Variants in BCAS3 observed in about 807,000 individuals in gnomAD.
The protein encoded by BCAS3 is BCAS3 microtubule associated cell migration factor.
BCAS3 carries 53 observed loss-of-function variants against 116.1 expected under a neutral mutation model. The ratio of observed to expected loss-of-function variants is 0.46; its 90% CI spans 0.37 to 0.57. The LOEUF (loss-of-function observed/expected upper bound fraction) is 0.57, where lower values mean the gene tolerates loss of function less well. Among genes scored for constraint, BCAS3 ranks in the 20% least tolerant of loss-of-function variants. BCAS3 has a pLI of 0.00. For synonymous variants in BCAS3, 391 were observed against 408.2 expected, an observed-to-expected ratio of 0.96 and a Z score of 0.51; for missense variants, 917 against 1,165.4, an observed-to-expected ratio of 0.79 and a Z score of 3.10.
intron 5 of BCAS3, among the ~76,000 whole-genome samples, chr17:60,728,361 A>G (rs1229475495): frequency 6.6e-6 from 1 of 152,136 alleles, no homozygotes; most frequent in Admixed American, 6.5e-5. Context: ...ACTTAGTAAT[A>G]TGCATATAAG....
At chr17:60,811,715 A>C (rs552753716) in intron 7 of BCAS3, among the ~76,000 whole-genome samples, 1 of 152,348 alleles carries the variant, frequency 6.6e-6, no homozygotes, top group East Asian at 1.9e-4. Context: ...ATAAAACTCA[A>C]ATGGAACTTC....
intron 13 of BCAS3, among the ~76,000 whole-genome samples, chr17:60,943,548 C>T (rs973037817): frequency 9.9e-5 from 15 of 152,042 alleles, no homozygotes; most frequent in African/African-American, 3.6e-4. Flanking sequence ...GTGTATGAAC[C>T]TTGCTCTAAA....
At position 61,041,654 on chromosome 17, in the gene BCAS3, A is replaced by G. The variant is rs1014588785; in HGVS notation, c.2029+762A>G. The stretch of plus-strand genomic sequence containing the variant: ...AATGAAACTTTGTTGTATTTAACAC[A>G]TTGTCTTGCCCGGTATATTAGAAAG... On this transcript the variant is annotated intron_variant, in intron 19 of 23. Transcript: ENST00000407086. This position sits in a 1 kb window ranked among gnomAD's most constrained non-coding sequence, Gnocchi z 4.7. 6.6e-6 allele frequency among the ~76,000 whole-genome samples: 1 copy of G among 152,044 alleles called. No individual in the cohort carries two copies. The highest frequency in any genetic ancestry group is 1.5e-5 in the Non-Finnish European group (1 of 67,984).
chr17:61,115,315 T>G (rs937129801), intron 22 of BCAS3, among the ~76,000 whole-genome samples: 10 of 152,028 alleles, frequency 6.6e-5, no homozygotes, highest in East Asian at 1.9e-4. Context: ...CCTACAAAAT[T>G]GGAGAAAATT....
rs930138071 is a variant in BCAS3 at position 61,235,555 on chromosome 17, A to G, written c.2426-132772A>G. 3.9e-5 allele frequency among the ~76,000 whole-genome samples: 6 copies of G among 152,316 alleles called. No individual in the cohort carries two copies. The highest frequency in any genetic ancestry group is 4.1e-4 in the South Asian group (2 of 4,822). ...CTACGTAGTACAGAAGTACAGTGAA[A>G]TATGAGATTCCTGAGCCTTTAGTGG... On this transcript the variant is annotated intron_variant, in intron 22 of 23. Transcript: ENST00000407086. This position sits in a 1 kb window ranked among gnomAD's most constrained non-coding sequence, Gnocchi z 5.0.
At chr17:61,277,124 C>T (rs1016290760) in intron 22 of BCAS3, among the ~76,000 whole-genome samples, 3 of 151,948 alleles carry the variant, frequency 2.0e-5, no homozygotes, top group East Asian at 1.9e-4. Context: ...TTTAGAGGGG[C>T]ATGGTGGCGT....
chr17:61,294,837 G>GT (rs1387882186), intron 22 of BCAS3, among the ~76,000 whole-genome samples: 3 of 152,208 alleles, frequency 2.0e-5, no homozygotes, highest in Non-Finnish European at 4.4e-5. Context: ...TCATAAGGCA[G>GT]TTTCTCTTGA....
chr17:61,174,330 C>T (rs1194292845), intron 22 of BCAS3, among the ~76,000 whole-genome samples: 1 of 152,176 alleles, frequency 6.6e-6, no homozygotes, highest in Non-Finnish European at 1.5e-5. Context: ...CTCACCCCAG[C>T]TGCTGATAAC....
intron 22 of BCAS3, among the ~76,000 whole-genome samples, chr17:61,197,545 C>G (rs1396857791): frequency 1.3e-5 from 2 of 152,196 alleles, no homozygotes; most frequent in Non-Finnish European, 2.9e-5. Context: ...TTTAGCCTTA[C>G]TCGTGGAATG....
chr17:60,698,058 A>G (rs2035853872), intron 4 of BCAS3, among the ~76,000 whole-genome samples: 1 of 151,966 alleles, frequency 6.6e-6, no homozygotes, highest in South Asian at 2.1e-4. Context: ...GGGCGCCTGT[A>G]GTCCCAGCTA....
At chr17:61,262,625 C>A (rs2049312964) in intron 22 of BCAS3, among the ~76,000 whole-genome samples, 1 of 152,144 alleles carries the variant, frequency 6.6e-6, no homozygotes, top group Non-Finnish European at 1.5e-5. Flanking sequence ...AGGTGATCCA[C>A]CCGCCTCGGC....
At chr17:60,879,067 T>C (rs1210626590) in intron 9 of BCAS3, among the ~76,000 whole-genome samples, 1 of 152,086 alleles carries the variant, frequency 6.6e-6, no homozygotes, top group Non-Finnish European at 1.5e-5. Flanking sequence ...AGGTATAGGA[T>C]ATAGAGACTG....
At chr17:60,786,143 C>G (rs1041936970) in intron 6 of BCAS3, among the ~76,000 whole-genome samples, 2 of 151,958 alleles carry the variant, frequency 1.3e-5, no homozygotes, top group African/African-American at 4.8e-5. Context: ...TGAATTACCA[C>G]GGATAAAATT....
intron 9 of BCAS3, among the ~76,000 whole-genome samples, chr17:60,879,913 T>A (rs1468405848): frequency 6.6e-6 from 1 of 152,188 alleles, no homozygotes; most frequent in Non-Finnish European, 1.5e-5. Context: ...CATTGATAGG[T>A]TAGTGTGAGT....
intron 6 of BCAS3, among the ~76,000 whole-genome samples, chr17:60,754,262 G>C (rs1226866821): frequency 6.6e-6 from 1 of 152,070 alleles, no homozygotes; most frequent in South Asian, 2.1e-4. Context: ...CTAGAGAACA[G>C]TGACGCAATC....
chr17:60,985,900 C>G (rs956448955), intron 14 of BCAS3, among the ~76,000 whole-genome samples: 1 of 152,076 alleles, frequency 6.6e-6, no homozygotes, highest in African/African-American at 2.4e-5. Context: ...ACACACCAGG[C>G]TAATTTTTGT....
intron 13 of BCAS3, 38 bp from the exon 14 acceptor site, chr17:60,947,181 A>G (rs963689052): frequency 1.3e-6 from 2 of 1,575,462 alleles, no homozygotes; most frequent in African/African-American, 2.7e-5. Context: ...CACATACATA[A>G]TCATTTTTAT....
intron 6 of BCAS3, among the ~76,000 whole-genome samples, chr17:60,751,794 C>T (rs1213019057): frequency 3.3e-5 from 5 of 152,116 alleles, no homozygotes; most frequent in South Asian, 2.1e-4. Flanking sequence ...CCACCTGCCT[C>T]GGCCTTCCAA....
chr17:61,268,828 G>T (rs565689517), intron 22 of BCAS3, among the ~76,000 whole-genome samples: 1 of 152,214 alleles, frequency 6.6e-6, no homozygotes, highest in East Asian at 1.9e-4. Flanking sequence ...AAAGTGCTGG[G>T]ATTACAGGCG....
Sources: allele counts gnomAD v4.1 joint callset (sites outside exome capture counted in the v4.1 genomes callset), GRCh38; gene constraint gnomAD v4.1.1; non-coding constraint Gnocchi (gnomAD v3.1); transcripts MANE v1.5; gene names NCBI Gene and HGNC (gene_info 2026-07-23, HGNC 2026-07-21).